Variants in SNTG1 observed in about 807,000 individuals in gnomAD.
SNTG1 encodes gamma-1-syntrophin.
A neutral mutation model predicts 74.7 loss-of-function variants in SNTG1; 39 were observed. The ratio of observed to expected loss-of-function variants is 0.52; its 90% confidence interval spans 0.40 to 0.68. The LOEUF is 0.68. SNTG1 is among the 30% of genes least tolerant of loss of function. The probability of loss-of-function intolerance (pLI) is 0.00; values close to 1 mark genes in which losing one functional copy is unlikely to be tolerated. For missense variants in SNTG1, 685 were observed against 609.5 expected (o/e 1.12, Z -1.30); for synonymous variants, 254 against 217.1 (o/e 1.17, Z -1.49).
At chr8:50,491,897 AC>A (rs2093859016) in intron 8 of SNTG1, among the ~76,000 whole-genome samples, 4 of 74,270 alleles carry the variant, frequency 5.4e-5, no homozygotes, top group Non-Finnish European at 1.2e-4. Flanking sequence ...CCCCCCTACC[AC>A]CCGCAGGCCC....
At chr8:50,533,194 G>T (rs765008350) in intron 10 of SNTG1, among the ~76,000 whole-genome samples, 5 of 152,204 alleles carry the variant, frequency 3.3e-5, no homozygotes, top group East Asian at 1.9e-4. Context: ...AGAAGAATTT[G>T]TTCTGTGCTT....
intron 1 of SNTG1, among the ~76,000 whole-genome samples, chr8:50,066,088 G>A (rs1365500585): frequency 1.3e-5 from 2 of 152,056 alleles, no homozygotes; most frequent in Non-Finnish European, 2.9e-5. Context: ...GGTGGCACAC[G>A]CCTTTAATCC....
intron 1 of SNTG1, among the ~76,000 whole-genome samples, chr8:50,122,314 T>A (rs1586369113): frequency 7.0e-6 from 1 of 142,380 alleles, no homozygotes; most frequent in East Asian, 2.0e-4. Context: ...GCAGAAGACT[T>A]CACTTTTCTT....
chr8:49,936,236 T>C (rs2129365163), intron 1 of SNTG1, among the ~76,000 whole-genome samples: 1 of 152,308 alleles, frequency 6.6e-6, no homozygotes, highest in South Asian at 2.1e-4. Context: ...CTTAACGCCT[T>C]TTAAAAAATA....
At chr8:50,722,586 G>A (rs1223666390) in intron 17 of SNTG1, among the ~76,000 whole-genome samples, 3 of 152,004 alleles carry the variant, frequency 2.0e-5, no homozygotes, top group Non-Finnish European at 4.4e-5. Context: ...TAGCTCATAG[G>A]CAAATTATTC....
At chr8:50,200,391 A>C (rs1287248655) in intron 2 of SNTG1, among the ~76,000 whole-genome samples, 2 of 152,168 alleles carry the variant, frequency 1.3e-5, no homozygotes, top group African/African-American at 2.4e-5. Flanking sequence ...CTGTGGAGAA[A>C]GTAAATGATC....
chr8:50,571,791 G>A (rs1166042707), intron 12 of SNTG1, among the ~76,000 whole-genome samples: 1 of 152,206 alleles, frequency 6.6e-6, no homozygotes, highest in Non-Finnish European at 1.5e-5. Context: ...TAGGAGTAAA[G>A]AGGTGTAAGT....
chr8:50,324,683 T>C (rs1463611194), intron 2 of SNTG1, among the ~76,000 whole-genome samples: 1 of 152,054 alleles, frequency 6.6e-6, no homozygotes, highest in African/African-American at 2.4e-5. Flanking sequence ...GCAATATTTT[T>C]CCCCAATATA....
At chr8:50,731,021 G>C (rs993189498) in intron 17 of SNTG1, among the ~76,000 whole-genome samples, 1 of 152,086 alleles carries the variant, frequency 6.6e-6, no homozygotes, top group African/African-American at 2.4e-5. Context: ...ATATGATCAG[G>C]CTCTAATAAA....
intron 2 of SNTG1, among the ~76,000 whole-genome samples, chr8:50,269,406 T>C (rs1301723276): frequency 6.6e-6 from 1 of 152,190 alleles, no homozygotes; most frequent in Non-Finnish European, 1.5e-5. Flanking sequence ...GTTGATTTTA[T>C]TACTGTCATA....
chr8:50,403,626 A>G (rs565896238), intron 4 of SNTG1, among the ~76,000 whole-genome samples: 2 of 152,350 alleles, frequency 1.3e-5, no homozygotes, highest in South Asian at 2.1e-4. Context: ...TAGCTGATAC[A>G]CATAGACCTA....
chr8:50,310,663 G>T (rs2090076112), intron 2 of SNTG1, among the ~76,000 whole-genome samples: 1 of 151,966 alleles, frequency 6.6e-6, no homozygotes, highest in African/African-American at 2.4e-5. Flanking sequence ...ACTCCAACCT[G>T]GACAACAAGA....
At chr8:50,299,563 GT>G (rs2089550627) in intron 2 of SNTG1, among the ~76,000 whole-genome samples, 1 of 151,962 alleles carries the variant, frequency 6.6e-6, no homozygotes, top group South Asian at 2.1e-4. Context: ...GCAACTTTAA[GT>G]TTTCTAGGAA....
chr8:49,979,385 G>T (rs1812474699), intron 1 of SNTG1, among the ~76,000 whole-genome samples: 2 of 152,232 alleles, frequency 1.3e-5, no homozygotes, highest in South Asian at 4.1e-4. Context: ...CACCTAAACA[G>T]CTTTTGTATG....
intron 14 of SNTG1, among the ~76,000 whole-genome samples, chr8:50,658,205 A>T (rs965585049): frequency 4.6e-5 from 7 of 152,128 alleles, no homozygotes; most frequent in African/African-American, 1.7e-4. Flanking sequence ...ATGTATATTT[A>T]AAAAATATAG....
intron 8 of SNTG1, among the ~76,000 whole-genome samples, chr8:50,471,786 A>G (rs567233049): frequency 6.6e-6 from 1 of 152,240 alleles, no homozygotes; most frequent in Non-Finnish European, 1.5e-5. Flanking sequence ...AAAAGAACAC[A>G]GACTACATGA....
At chr8:49,979,263 G>C (rs1164362389) in intron 1 of SNTG1, among the ~76,000 whole-genome samples, 10 of 152,134 alleles carry the variant, frequency 6.6e-5, no homozygotes, top group African/African-American at 1.9e-4. Flanking sequence ...TGTCCTCCTC[G>C]GGGACTGCAT....
chr8:50,327,121 A>T (rs2090780649), intron 2 of SNTG1, among the ~76,000 whole-genome samples: 1 of 152,090 alleles, frequency 6.6e-6, no homozygotes, highest in African/African-American at 2.4e-5. Flanking sequence ...ATCTGGTCTA[A>T]CTTTGTTAAT....
intron 2 of SNTG1, among the ~76,000 whole-genome samples, chr8:50,340,669 T>C (rs2091290032): frequency 6.6e-6 from 1 of 151,908 alleles, no homozygotes; most frequent in African/African-American, 2.4e-5. Flanking sequence ...AGTTTGGCAA[T>C]GAGTTTATGG....
Sources: allele counts gnomAD v4.1 joint callset (sites outside exome capture counted in the v4.1 genomes callset), GRCh38; gene constraint gnomAD v4.1.1; transcripts MANE v1.5; gene names NCBI Gene and HGNC (gene_info 2026-07-23, HGNC 2026-07-21).